GPC6: variants seen among roughly 807,000 people sequenced by gnomAD.
GPC6 encodes the protein glypican-6.
A neutral mutation model predicts 55.2 loss-of-function variants in GPC6; 14 were observed. That is an observed-to-expected ratio of 0.25 (90% CI 0.17 to 0.40). The LOEUF (loss-of-function observed/expected upper bound fraction) is 0.40, where lower values mean the gene tolerates loss of function less well. GPC6 is among the 10% of genes least tolerant of loss of function. The pLI is 1.00. For synonymous variants in GPC6, 278 were observed against 259.6 expected, an observed-to-expected ratio of 1.07 and a Z score of -0.68; for missense variants, 641 against 708.5, an observed-to-expected ratio of 0.90 and a Z score of 1.08.
intron 4 of GPC6, among the ~76,000 whole-genome samples, chr13:94,198,837 C>T (rs944869730): frequency 3.9e-5 from 6 of 152,256 alleles, no homozygotes; most frequent in East Asian, 1.9e-4. Flanking sequence ...AACCCCCTGC[C>T]GGAGCTGGGA....
chr13:93,376,232 C>G (rs1424503187), intron 1 of GPC6, among the ~76,000 whole-genome samples: 1 of 151,616 alleles, frequency 6.6e-6, no homozygotes, highest in Non-Finnish European at 1.5e-5. Context: ...ATTTTGAGCC[C>G]CAGAATTAGG....
intron 6 of GPC6, among the ~76,000 whole-genome samples, chr13:94,335,249 A>C (rs1877620876): frequency 1.3e-5 from 2 of 152,226 alleles, no homozygotes; most frequent in Admixed American, 1.3e-4. Context: ...GGATACTACC[A>C]TATGAAAGCA....
chr13:93,978,623 A>G (rs573286665), intron 3 of GPC6, among the ~76,000 whole-genome samples: 6 of 152,100 alleles, frequency 3.9e-5, no homozygotes, highest in Non-Finnish European at 7.4e-5. Flanking sequence ...CTTCTTAGTC[A>G]ATTTCTACTC....
chr13:93,590,664 A>G (rs934507045), intron 2 of GPC6, among the ~76,000 whole-genome samples: 1 of 152,176 alleles, frequency 6.6e-6, no homozygotes, highest in African/African-American at 2.4e-5. Flanking sequence ...ATATACAATT[A>G]TGTCAGTTAC....
intron 1 of GPC6, among the ~76,000 whole-genome samples, chr13:93,258,283 A>G (rs1273336355): frequency 6.6e-6 from 1 of 152,190 alleles, no homozygotes; most frequent in Non-Finnish European, 1.5e-5. Context: ...TAACACAAAG[A>G]AGCAGCAACA....
chr13:93,535,159 T>G (rs1047463641), intron 1 of GPC6, among the ~76,000 whole-genome samples: 3 of 152,228 alleles, frequency 2.0e-5, no homozygotes, highest in African/African-American at 7.2e-5. Context: ...CTAAGTGTTG[T>G]GTCTAATTAT....
chr13:93,255,410 C>T (rs1876919354), intron 1 of GPC6, among the ~76,000 whole-genome samples: 1 of 152,164 alleles, frequency 6.6e-6, no homozygotes, highest in African/African-American at 2.4e-5. Context: ...AGTCACCATA[C>T]TGATCTAACA....
At chr13:93,454,393 C>T (rs1220411704) in intron 1 of GPC6, among the ~76,000 whole-genome samples, 1 of 128,104 alleles carries the variant, frequency 7.8e-6, no homozygotes, top group East Asian at 2.2e-4. Flanking sequence ...GAGCTAGACA[C>T]AGGGTGCTGA....
intron 2 of GPC6, among the ~76,000 whole-genome samples, chr13:93,560,748 A>G (rs375783918): frequency 1.4e-5 from 2 of 146,732 alleles, no homozygotes; most frequent in East Asian, 4.2e-4. Context: ...CCTGGGCGAC[A>G]GAGCGAGACT....
chr13:93,937,478 A>C (rs1213607766), intron 3 of GPC6, among the ~76,000 whole-genome samples: 2 of 152,230 alleles, frequency 1.3e-5, no homozygotes, highest in Non-Finnish European at 2.9e-5. Context: ...ATTTATCTAC[A>C]GTCAGAAATT....
chr13:94,028,905 T>C (rs922161167), intron 4 of GPC6, among the ~76,000 whole-genome samples: 1 of 152,106 alleles, frequency 6.6e-6, no homozygotes, highest in Non-Finnish European at 1.5e-5. Context: ...AAAGAGTAAA[T>C]GTGTTTTCTC....
intron 2 of GPC6, among the ~76,000 whole-genome samples, chr13:93,811,586 C>T (rs1300198667): frequency 1.5e-5 from 2 of 130,920 alleles, no homozygotes; most frequent in Admixed American, 8.0e-5. Context: ...GACTGTGGAT[C>T]GGATTTTTTT....
intron 3 of GPC6, among the ~76,000 whole-genome samples, chr13:94,000,247 A>G (rs1174891759): frequency 1.3e-5 from 2 of 152,228 alleles, no homozygotes; most frequent in Non-Finnish European, 2.9e-5. Context: ...CTCTATTTCT[A>G]GCACCTGACA....
chr13:94,210,292 G>A (rs1890039790), intron 4 of GPC6, among the ~76,000 whole-genome samples: 1 of 151,998 alleles, frequency 6.6e-6, no homozygotes, highest in Non-Finnish European at 1.5e-5. Flanking sequence ...AAGTAGCTGG[G>A]ATTACAGGTT....
intron 3 of GPC6, among the ~76,000 whole-genome samples, chr13:93,898,633 TG>T (rs1876156696): frequency 1.3e-5 from 2 of 151,174 alleles, no homozygotes; most frequent in African/African-American, 2.4e-5. Context: ...AACCATATTG[TG>T]TTTGTTTTTT....
At chr13:93,531,162 G>A (rs1308749637) in intron 1 of GPC6, among the ~76,000 whole-genome samples, 1 of 152,040 alleles carries the variant, frequency 6.6e-6, no homozygotes, top group Non-Finnish European at 1.5e-5. Flanking sequence ...AGGTTCCCAA[G>A]TATTCTGTTC....
At chr13:93,243,852 C>T (rs1876516913) in intron 1 of GPC6, among the ~76,000 whole-genome samples, 2 of 152,004 alleles carry the variant, frequency 1.3e-5, no homozygotes. Context: ...TGAAGTCGGG[C>T]CAGGAGGTAG....
chr13:93,302,862 G>C (rs1446428040), intron 1 of GPC6, among the ~76,000 whole-genome samples: 1 of 152,170 alleles, frequency 6.6e-6, no homozygotes, highest in Non-Finnish European at 1.5e-5. Context: ...AAAAATCCCT[G>C]AGCAGACAAA....
chr13:94,397,289 A>G (rs1232261953), intron 7 of GPC6, among the ~76,000 whole-genome samples: 2 of 151,980 alleles, frequency 1.3e-5, no homozygotes, highest in Non-Finnish European at 2.9e-5. Flanking sequence ...TGGAAGATGG[A>G]CAGATTGTGA....
Sources: allele counts gnomAD v4.1 joint callset (sites outside exome capture counted in the v4.1 genomes callset), GRCh38; gene constraint gnomAD v4.1.1; transcripts MANE v1.5; gene names NCBI Gene and HGNC (gene_info 2026-07-23, HGNC 2026-07-21).